The following MAPKBP1 variants were observed in gnomAD, a reference collection of about 807,000 sequenced individuals.
MAPKBP1 encodes the protein mitogen-activated protein kinase binding protein 1, also known as mitogen-activated protein kinase-binding protein 1.
A neutral mutation model predicts 170.5 loss-of-function variants in MAPKBP1; 71 were observed. The observed-to-expected ratio is 0.42, with a 90% CI of 0.34 to 0.51. The LOEUF is 0.51. Among genes scored for constraint, MAPKBP1 ranks in the 20% least tolerant of loss-of-function variants. MAPKBP1 has a pLI of 0.06. For missense variants in MAPKBP1, 1,598 were observed against 1,933.0 expected (o/e 0.83, Z 3.25); for synonymous variants, 719 against 757.9 (o/e 0.95, Z 0.84).
At chr15:41,774,672 A>G in intron 1 of MAPKBP1, 62 bp downstream of exon 1, 1 of 398,702 alleles carries the variant, frequency 2.5e-6, no homozygotes, top group Non-Finnish European at 4.4e-6. Flanking sequence ...CGGGTGAAAG[A>G]TAAAGGTCCA....
chr15:41,790,510 C>T (rs565172349), intron 2 of MAPKBP1, among the ~76,000 whole-genome samples: 9 of 152,308 alleles, frequency 5.9e-5, no homozygotes, highest in South Asian at 2.1e-4. Flanking sequence ...CTGTGGCTAG[C>T]GGCTTTGTCA....
chr15:41,783,577 T>C (rs1488240610), intron 2 of MAPKBP1, among the ~76,000 whole-genome samples: 1 of 152,190 alleles, frequency 6.6e-6, no homozygotes, highest in East Asian at 1.9e-4. Context: ...GATAACATTA[T>C]AGGTGCAAAA....
Position 41,822,411 on chromosome 15 carries a change from G to T in MAPKBP1, c.3218G>T (p.Gly1073Val). The change falls in exon 26 of 31, where the codon GGA (glycine) becomes GTA (valine). Residue 1073 changes from glycine (G) to valine (V), a missense_variant. Gly to Val is a moderately radical substitution (Grantham distance 109, BLOSUM62 -3). This residue lies in a region of MAPKBP1 where 942 missense variants were observed against 953.2 expected (regional missense o/e 0.99). Coordinates refer to ENST00000457542, the MANE Select transcript of MAPKBP1 (RefSeq NM_014994.3). ...LKQHFETLASGAAPGAPVQVP... is the reference protein window; with the variant it reads ...LKQHFETLASVAAPGAPVQVP... ...CAGCACTTTGAGACTCTGGCCAGTGGAGCTGCTCCAGGTGTGGTCAGAGGG... is the reference window on the plus strand; with the variant it reads ...CAGCACTTTGAGACTCTGGCCAGTGTAGCTGCTCCAGGTGTGGTCAGAGGG... The T allele has an allele frequency of 6.2e-7, 1 of 1,613,944 alleles. No individual in the cohort carries two copies.
Position 41,812,144 on chromosome 15 carries a change from G to A in MAPKBP1, c.498+17G>A. On this transcript the variant is annotated intron_variant, in intron 6 of 30. Coordinates refer to ENST00000457542, the MANE Select transcript of MAPKBP1 (RefSeq NM_014994.3). Reference sequence around the variant, plus strand: ...GCCTGGAAGGTGAGTGGCTGGGTGGGGTGGCCTGGCAGCCTCACAGGGGTC... The same window carrying A: ...GCCTGGAAGGTGAGTGGCTGGGTGGAGTGGCCTGGCAGCCTCACAGGGGTC... 6.2e-7 allele frequency: 1 copy of A among 1,613,826 alleles called. No homozygotes were observed. The highest frequency in any genetic ancestry group is 8.5e-7 in the Non-Finnish European group (1 of 1,179,824).
chr15:41,800,028 G>A, intron 3 of MAPKBP1, 114 bp downstream of exon 3: 1 of 875,328 alleles, frequency 1.1e-6, no homozygotes, highest in African/African-American at 1.7e-5. Flanking sequence ...ACAGGTTAAT[G>A]TTTTGTTGTC....
At chr15:41,816,883 G>A (rs2064901229) in intron 13 of MAPKBP1, 27 bp from the exon 14 acceptor site, 1 of 1,585,268 alleles carries the variant, frequency 6.3e-7, no homozygotes, top group Non-Finnish European at 8.6e-7. Context: ...GGGCACTCAT[G>A]GGCTGATGGA....
At chr15:41,810,395 G>A (rs2064781472) in intron 3 of MAPKBP1, among the ~76,000 whole-genome samples, 1 of 152,008 alleles carries the variant, frequency 6.6e-6, no homozygotes, top group South Asian at 2.1e-4. Flanking sequence ...CTTGGGTGGG[G>A]AAAAGGAGCA....
chr15:41,781,917 A>G (rs561592823), intron 2 of MAPKBP1, among the ~76,000 whole-genome samples: 1 of 152,164 alleles, frequency 6.6e-6, no homozygotes, highest in South Asian at 2.1e-4. Flanking sequence ...TGATGCTGTT[A>G]CAGATGCTAG....
chr15:41,819,100 C>A lies in MAPKBP1; in HGVS notation c.2291+143C>A. ...CCTCTCACACAAGGATCCATGATGT[C>A]AGCCTCTTCCCCCTGTTGAGTCTCC... On this transcript the variant is annotated intron_variant, in intron 20 of 30. Transcript: ENST00000457542. The A allele has an allele frequency of 6.9e-7, 1 of 1,440,610 alleles. No individual in the cohort carries two copies. Among genetic ancestry groups the A allele is most frequent in the South Asian group, 1.3e-5 (1 of 77,216 alleles). 89.2% of individuals were successfully genotyped at this position (1,440,610 alleles called of 1,614,324 possible).
chr15:41,803,413 C>CAA (rs1166671811), intron 3 of MAPKBP1, among the ~76,000 whole-genome samples: 4 of 11,240 alleles, frequency 3.6e-4, no homozygotes, highest in Non-Finnish European at 5.6e-4. Flanking sequence ...GACTCCATCT[C>CAA]AAAAAAAAAA....
chr15:41,814,756 G>C lies in MAPKBP1; in HGVS notation c.1170+17G>C. On this transcript the variant is annotated intron_variant, in intron 10 of 30. Transcript: ENST00000457542. The stretch of plus-strand genomic sequence containing the variant: ...AGTGTGGAGGTATGTGGGCTGGCTG[G>C]CTGGCTGGAGACTGGCCAGGTTGGC... 3 of 1,612,378 alleles carry C rather than the reference G, an allele frequency of 1.9e-6. No individual in the cohort carries two copies. The highest frequency in any genetic ancestry group is 2.2e-5 in the South Asian group (2 of 90,986).
At chr15:41,811,152 C>T in intron 4 of MAPKBP1, 26 bp from the exon 5 acceptor site, 1 of 1,614,042 alleles carries the variant, frequency 6.2e-7, no homozygotes, top group South Asian at 1.1e-5. Flanking sequence ...GCCAGTGCCC[C>T]TCTGAGCCTG....
intron 24 of MAPKBP1, 30 bp downstream of exon 24, chr15:41,821,780 G>GC: frequency 6.2e-7 from 1 of 1,611,940 alleles, no homozygotes; most frequent in Non-Finnish European, 8.5e-7. Context: ...CAGACCCCGT[G>GC]CCCCCGTCTT....
Position 41,775,346 on chromosome 15 carries a change from G to T in MAPKBP1, c.71G>T (p.Arg24Leu). Residue 24 changes from arginine (R) to leucine (L), a missense_variant, in exon 2 of 31, where the codon CGC (arginine) becomes CTC (leucine). Arg to Leu is a moderately radical substitution (Grantham distance 102). This residue lies in a region of MAPKBP1 where 151 missense variants were observed against 191.4 expected (regional missense o/e 0.79). Transcript: ENST00000457542. ...NLLRSPSIKLRRSKAGNRRED... is the reference protein window; with the variant it reads ...NLLRSPSIKLLRSKAGNRRED... ...TTGAGATCTCCATCCATCAAACTGC[G>T]CAGGAGTAAGGCAGGAAACCGACGA... is the stretch of plus-strand genomic sequence containing the variant. 1 of 1,614,166 alleles carries T rather than the reference G, an allele frequency of 6.2e-7. No homozygotes were observed. The highest frequency in any genetic ancestry group is 8.5e-7 in the Non-Finnish European group (1 of 1,180,038).
At chr15:41,816,828 C>T (rs1596092034) in intron 13 of MAPKBP1, 82 bp from the exon 14 acceptor site, 5 of 1,541,768 alleles carry the variant, frequency 3.2e-6, no homozygotes, top group Non-Finnish European at 2.6e-6. Flanking sequence ...ATATGGGGCT[C>T]AGTTCCCTTG....
At chr15:41,774,854 T>G (rs1326480232) in intron 1 of MAPKBP1, 2 of 413,656 alleles carry the variant, frequency 4.8e-6, no homozygotes, top group Admixed American at 4.1e-5. Context: ...CCTCCTCCCT[T>G]GGACACTACA....
In MAPKBP1 at chr15:41,823,958, C is replaced by A. The variant is rs1174373012; in HGVS notation, c.4110C>A (p.Ser1370Arg). ...CCTGTGCCCAGCAACTGCCAGTCAG[C>A]AGCCTCTTCCAAGGCCCTGAAAACT... ...SSPCAQQLPV[S>R]SLFQGPENLQ... Residue 1370 changes from serine (S) to arginine (R), a missense_variant, in exon 29 of 31, where the codon AGC (serine) becomes AGA (arginine). Physicochemically the swap from Ser to Arg is moderately radical, Grantham distance 110 (BLOSUM62 -1). Coordinates refer to ENST00000457542, the MANE Select transcript of MAPKBP1 (RefSeq NM_014994.3). 5.6e-6 allele frequency: 9 copies of A among 1,614,024 alleles called. No individual in the cohort carries two copies. The highest frequency in any genetic ancestry group is 1.3e-5 in the African/African-American group (1 of 74,918).
In MAPKBP1 at chr15:41,822,391, C is replaced by CT; in HGVS notation, c.3201dup (p.Glu1068Ter). 6.2e-7 allele frequency: 1 copy of CT among 1,614,118 alleles called. No homozygotes were observed. Among genetic ancestry groups the CT allele is most frequent in the Non-Finnish European group, 8.5e-7 (1 of 1,180,004 alleles). On this transcript the variant is annotated frameshift_variant, in exon 26 of 31. Coordinates refer to ENST00000457542, the MANE Select transcript of MAPKBP1 (RefSeq NM_014994.3). LOFTEE classifies it high-confidence loss of function. ...ACCAGGAGCAGTTTCTAAAACAGCA[C>CT]TTTGAGACTCTGGCCAGTGGAGCTG...
Position 41,775,321 on chromosome 15 carries a change from T to C in MAPKBP1, c.46T>C (p.Leu16=). 1 of 1,614,146 alleles carries C rather than the reference T, an allele frequency of 6.2e-7. No homozygotes were observed. The highest frequency in any genetic ancestry group is 1.1e-5 in the South Asian group (1 of 91,088). Residue 16 remains leucine, a synonymous_variant, in exon 2 of 31, where the codon TTG becomes CTG. Coordinates refer to ENST00000457542, the MANE Select transcript of MAPKBP1 (RefSeq NM_014994.3). ...STITSRIKNL[L]RSPSIKLRRS... is the part of the protein sequence containing the mutation. ...CATTACCAGCCGGATCAAGAATCTG[T>C]TGAGATCTCCATCCATCAAACTGCG...
Sources: allele counts gnomAD v4.1 joint callset (sites outside exome capture counted in the v4.1 genomes callset), GRCh38; gene constraint gnomAD v4.1.1; regional missense constraint gnomAD v4.1.1; transcripts MANE v1.5; gene names NCBI Gene and HGNC (gene_info 2026-07-23, HGNC 2026-07-21).